EIF4G1: variants seen among roughly 807,000 people sequenced by gnomAD.
The protein encoded by EIF4G1 is EIF4-gamma.
EIF4G1 carries 4 observed loss-of-function variants against 187.8 expected under a neutral mutation model. The ratio of observed to expected loss-of-function variants is 0.02; its 90% confidence interval spans 0.01 to 0.05. The LOEUF is 0.05. Ranked by LOEUF, EIF4G1 falls within the 10% of genes least tolerant of loss-of-function variation. EIF4G1 has a pLI of 1.00. For synonymous variants in EIF4G1, 844 were observed against 781.4 expected, an observed-to-expected ratio of 1.08 and a Z score of -1.34; for missense variants, 1,647 against 2,081.1, an observed-to-expected ratio of 0.79 and a Z score of 4.06.
intron 28 of EIF4G1, 46 bp from the exon 29 acceptor site, chr3:184,331,220 G>GGA (rs760449113): frequency 3.8e-6 from 6 of 1,597,072 alleles, no homozygotes; most frequent in Non-Finnish European, 5.2e-6. Flanking sequence ...TTGGGTCCTT[G>GGA]GAGAGAGAGA....
At position 184,331,713 on chromosome 3, in the gene EIF4G1, G is replaced by T. The variant is rs781508278; in HGVS notation, c.4396-15G>T. On this transcript the variant is annotated splice_polypyrimidine_tract_variant and intron_variant, in intron 30 of 32. Coordinates refer to ENST00000346169, the MANE Select transcript of EIF4G1 (RefSeq NM_198241.3). ...CCAATTCAGAATCTGGGGATCATTT[G>T]TTTCTCCCATACAGGCCAACCTGAG... is the stretch of plus-strand genomic sequence containing the variant. 5 of 1,614,090 alleles carry T rather than the reference G, an allele frequency of 3.1e-6. No homozygotes were observed. Among genetic ancestry groups the T allele is most frequent in the Non-Finnish European group, 4.2e-6 (5 of 1,180,050 alleles).
intron 28 of EIF4G1, among the ~76,000 whole-genome samples, chr3:184,330,506 GAA>G (rs1352299537): frequency 2.0e-5 from 3 of 152,188 alleles, no homozygotes; most frequent in African/African-American, 7.2e-5. Flanking sequence ...CTGTTATAAA[GAA>G]AAGAGTGATG....
In EIF4G1 at chr3:184,328,601, G is replaced by C. The variant is rs1725430955; in HGVS notation, c.3954-30G>C. ...AGAAGGAGAGTGGGGACCTGGCCTA[G>C]AATGTCTTGACTTTGAATTCCCTTG... On this transcript the variant is annotated intron_variant, in intron 26 of 32. Transcript: ENST00000346169. 1.9e-6 allele frequency: 3 copies of C among 1,614,098 alleles called. No individual in the cohort carries two copies. In the African/African-American group the frequency reaches 4.0e-5, roughly 22 times the overall value.
chr3:184,316,672 T>G (rs755782186), intron 4 of EIF4G1: 23 of 1,582,832 alleles, frequency 1.5e-5, no homozygotes, highest in Non-Finnish European at 1.8e-5. Context: ...GCCATCACCT[T>G]GGGGGTAATT....
At chr3:184,330,333 T>G (rs1034019436) in intron 28 of EIF4G1, among the ~76,000 whole-genome samples, 2 of 152,082 alleles carry the variant, frequency 1.3e-5, no homozygotes, top group Admixed American at 1.3e-4. Flanking sequence ...AAGCCAAGAT[T>G]GTGCCACTGC....
Position 184,321,265 on chromosome 3 carries a change from TCCTTC to T in EIF4G1, c.698-15_698-11del. On this transcript the variant is annotated splice_polypyrimidine_tract_variant and intron_variant, in intron 9 of 32. Coordinates refer to ENST00000346169, the MANE Select transcript of EIF4G1 (RefSeq NM_198241.3). ...GCACTTGCCTTTAGTTGCTCATTCT[TCCTTC>T]CTATGGTGCAGATGACCGGTCACAG... is the stretch of plus-strand genomic sequence containing the variant. 6.2e-7 allele frequency: 1 copy of T among 1,614,074 alleles called. No individual in the cohort carries two copies.
intron 28 of EIF4G1, 65 bp downstream of exon 28, chr3:184,329,055 C>T (rs1241913221): frequency 7.0e-6 from 11 of 1,575,250 alleles, no homozygotes; most frequent in South Asian, 6.7e-5. Context: ...TGCTGTGGCC[C>T]TGAAGCTTCA....
rs376228156 is a variant in EIF4G1 at position 184,327,887 on chromosome 3, C to T, written c.3838C>T (p.Arg1280Trp). ...ACCCTCCTTGCTCTTCATCTTTGTA[C>T]GGCATGGTGTCGAGTCTACGCTGGA... Reference protein sequence around the residue: ...ASPSLLFIFVRHGVESTLERS... With the variant: ...ASPSLLFIFVWHGVESTLERS... The change falls in exon 26 of 33, where the codon CGG becomes TGG. Residue 1280 changes from arginine to tryptophan, a missense_variant. Physicochemically the swap from Arg to Trp is moderately radical, Grantham distance 101. This residue lies in a region of EIF4G1 where 543 missense variants were observed against 638.0 expected (regional missense o/e 0.85). Transcript: ENST00000346169. The T allele has an allele frequency of 1.4e-5, 23 of 1,613,750 alleles. No homozygotes were observed. Among genetic ancestry groups the T allele is most frequent in the South Asian group, 4.4e-5 (4 of 91,090 alleles).
chr3:184,326,003 C>T (rs1309026913), intron 21 of EIF4G1, 52 bp downstream of exon 21: 1 of 1,577,062 alleles, frequency 6.3e-7, no homozygotes, highest in Non-Finnish European at 8.7e-7. Flanking sequence ...GATCTTAGTC[C>T]CTTCACTTTT....
intron 5 of EIF4G1, 61 bp downstream of exon 5, chr3:184,317,558 C>A: frequency 1.3e-6 from 2 of 1,598,246 alleles, no homozygotes; most frequent in Non-Finnish European, 1.7e-6. Context: ...CTTAACTCAC[C>A]CTGACCCTCC....
chr3:184,319,679 C>G lies in EIF4G1; in HGVS notation c.425-10C>G, dbSNP rs200224718. The G allele has an allele frequency of 2.6e-4, 409 of 1,545,546 alleles. 2 individuals are homozygous for G. The East Asian group carries it at 8.1e-3, about 31-fold the overall frequency. ...CTACCACCATTCTTCTCCGTCCCCC[C>G]TCCCCCAAGCTGGCGCCTACTATCC... On this transcript the variant is annotated splice_polypyrimidine_tract_variant and intron_variant, in intron 6 of 32. Coordinates refer to ENST00000346169, the MANE Select transcript of EIF4G1 (RefSeq NM_198241.3).
At chr3:184,314,832 G>A (rs1239476433) in intron 1 of EIF4G1, among the ~76,000 whole-genome samples, 158 bp downstream of exon 1, 10 of 149,402 alleles carry the variant, frequency 6.7e-5, no homozygotes, top group Non-Finnish European at 1.5e-4. Flanking sequence ...CCGATCCCCG[G>A]CCCACGTGTG....
Position 184,316,360 on chromosome 3 carries a change from C to T in EIF4G1, c.147+142C>T, listed in dbSNP as rs1220901311. ...TCTTTCATGCGGCTCTGCGCCTTGC[C>T]CTGTTGATTACTCACGGTGGCTGGT... On this transcript the variant is annotated intron_variant, in intron 4 of 32. Transcript: ENST00000346169. 1.2e-5 allele frequency: 13 copies of T among 1,129,826 alleles called. No homozygotes were observed. In the South Asian group the frequency reaches 1.2e-4, roughly 10 times the overall value. The allele number at this position is 1,129,826 out of a possible 1,614,324, so 70.0% of individuals were successfully genotyped here. A position where few individuals can be genotyped will look rare whatever the true frequency, so the allele number is the denominator to read the frequency against.
chr3:184,331,701 TG>T (rs779849645), intron 30 of EIF4G1, 26 bp from the exon 31 acceptor site: 2 of 1,614,140 alleles, frequency 1.2e-6, no homozygotes, highest in Non-Finnish European at 1.7e-6. Flanking sequence ...ATTCAGAATC[TG>T]GGGATCATTT....
chr3:184,335,054 C>G lies in EIF4G1; in HGVS notation c.*146C>G, dbSNP rs1246627973. 1.7e-6 allele frequency: 2 copies of G among 1,198,850 alleles called. No homozygotes were observed. Among genetic ancestry groups the G allele is most frequent in the Non-Finnish European group, 2.3e-6 (2 of 851,658 alleles). 74.3% of individuals were successfully genotyped at this position (1,198,850 alleles called of 1,614,324 possible). A position where few individuals can be genotyped will look rare whatever the true frequency, so the allele number is the denominator to read the frequency against. ...TGAACTAATAAAGTGGCTGAAGAGG[C>G]AGGATGGCTTGGGGCTGCCTGGGCC... On this transcript the variant is annotated 3_prime_UTR_variant, in exon 33 of 33. Transcript: ENST00000346169.
In EIF4G1 at chr3:184,326,904, A is replaced by G. The variant is rs532220949; in HGVS notation, c.3349A>G (p.Thr1117Ala). ...AGCATCAGAAGCTGCTCGCCCAGCT[A>G]CTAGTACTTTGAATCGCTTCTCAGC... is the stretch of plus-strand genomic sequence containing the variant. ...DAASEAARPA[T>A]STLNRFSALQ... is the part of the protein sequence containing the mutation. Residue 1117 changes from threonine to alanine, a missense_variant, in exon 23 of 33, where the codon ACT becomes GCT. Physicochemically the swap from Thr to Ala is moderately conservative, Grantham distance 58. Coordinates refer to ENST00000346169, the MANE Select transcript of EIF4G1 (RefSeq NM_198241.3). 2 of 1,614,242 alleles carry G rather than the reference A, an allele frequency of 1.2e-6. No homozygotes were observed. The highest frequency in any genetic ancestry group is 1.7e-6 in the Non-Finnish European group (2 of 1,180,048).
Position 184,325,242 on chromosome 3 carries a change from C to G in EIF4G1, c.2857-27C>G, listed in dbSNP as rs879256294. The G allele has an allele frequency of 1.2e-6, 2 of 1,613,330 alleles. No individual in the cohort carries two copies. The highest frequency in any genetic ancestry group is 8.5e-7 in the Non-Finnish European group (1 of 1,179,282). On this transcript the variant is annotated intron_variant, in intron 18 of 32. Coordinates refer to ENST00000346169, the MANE Select transcript of EIF4G1 (RefSeq NM_198241.3). This position sits in a 1 kb window ranked among gnomAD's most constrained non-coding sequence, Gnocchi z 5.2. ...GTTATAGGTGGGACATGAGAAGTTC[C>G]TGGTCTGATGCCTTTCTCCTTCCTA...
At position 184,326,919 on chromosome 3, in the gene EIF4G1, C is replaced by T. The variant is rs1725040393; in HGVS notation, c.3364C>T (p.Arg1122Cys). 3.1e-6 allele frequency: 5 copies of T among 1,614,102 alleles called. No individual in the cohort carries two copies. The Admixed American group carries it at 5.0e-5, about 16-fold the overall frequency. ...AARPATSTLNRFSALQQAVPT... is the reference protein window; with the variant it reads ...AARPATSTLNCFSALQQAVPT... ...TCGCCCAGCTACTAGTACTTTGAAT[C>T]GCTTCTCAGCCCTTCAACAAGCGGT... Residue 1122 changes from arginine to cysteine, a missense_variant, in exon 23 of 33, where the codon CGC (arginine) becomes TGC (cysteine). Coordinates refer to ENST00000346169, the MANE Select transcript of EIF4G1 (RefSeq NM_198241.3).
intron 4 of EIF4G1, 28 bp downstream of exon 4, chr3:184,316,246 G>T: frequency 6.2e-7 from 1 of 1,612,930 alleles, no homozygotes; most frequent in Non-Finnish European, 8.5e-7. Context: ...GGGGAGTAGG[G>T]GACCTGGGTG....
Sources: gnomAD v4.1 joint callset for allele counts (sites outside exome capture counted in the v4.1 genomes callset) on GRCh38, gnomAD v4.1.1 for gene constraint, gnomAD v4.1.1 regional missense constraint, Gnocchi (gnomAD v3.1) non-coding constraint, MANE v1.5 for transcripts, NCBI Gene and HGNC (gene_info 2026-07-23, HGNC 2026-07-21) for gene names.